Variants in ACYP2 observed in about 807,000 individuals in gnomAD.
The protein encoded by ACYP2 is acylphosphatase-2.
ACYP2 carries 12 observed loss-of-function variants against 11.2 expected under a neutral mutation model. That is an observed-to-expected ratio of 1.08 (90% confidence interval 0.69 to 1.74). ACYP2 has a LOEUF of 1.74. Ranked by LOEUF, ACYP2 falls within the 40% of genes most tolerant of loss-of-function variation. The pLI is 0.00. For missense variants in ACYP2, 134 were observed against 101.9 expected (o/e 1.31, Z -1.35); for synonymous variants, 43 against 32.2 (o/e 1.33, Z -1.13).
chr2:54,216,920 G>T (rs897589266), intron 6 of ACYP2, among the ~76,000 whole-genome samples: 25 of 152,128 alleles, frequency 1.6e-4, no homozygotes, highest in African/African-American at 5.3e-4. Context: ...TGTTTCTATT[G>T]TAAGTGGAAG....
At chr2:54,126,628 A>C (rs1038257924) in intron 4 of ACYP2, among the ~76,000 whole-genome samples, 12 of 151,532 alleles carry the variant, frequency 7.9e-5, no homozygotes, top group Admixed American at 2.6e-4. Context: ...CATAAAACAA[A>C]TTAGAACTCT....
intron 6 of ACYP2, among the ~76,000 whole-genome samples, chr2:54,240,041 G>C (rs370311041): frequency 1.2e-4 from 18 of 152,324 alleles, no homozygotes; most frequent in Middle Eastern, 3.4e-3. Flanking sequence ...CAGGGGATTA[G>C]AGTTAGTCAT....
chr2:54,208,112 C>T (rs1685157983), intron 6 of ACYP2, among the ~76,000 whole-genome samples: 2 of 152,052 alleles, frequency 1.3e-5, no homozygotes, highest in African/African-American at 4.8e-5. Context: ...AAGATCCAGT[C>T]AGAGTCTTCA....
chr2:54,258,432 G>A (rs745635654), intron 6 of ACYP2, among the ~76,000 whole-genome samples: 2 of 152,206 alleles, frequency 1.3e-5, no homozygotes, highest in South Asian at 2.1e-4. Flanking sequence ...GGAGGCCAGC[G>A]TGACTGGAGC....
intron 2 of ACYP2, among the ~76,000 whole-genome samples, chr2:53,977,099 G>A (rs1671531464): frequency 2.0e-5 from 3 of 152,098 alleles, no homozygotes; most frequent in Admixed American, 6.5e-5. Flanking sequence ...CCAGGCTGGT[G>A]TGCAGTGGCA....
chr2:54,220,335 T>C (rs1314571845), intron 6 of ACYP2, among the ~76,000 whole-genome samples: 1 of 152,198 alleles, frequency 6.6e-6, no homozygotes, highest in African/African-American at 2.4e-5. Context: ...CTTGTGTGCT[T>C]TTGACTAAAT....
intron 4 of ACYP2, among the ~76,000 whole-genome samples, chr2:54,096,596 C>G (rs192707399): frequency 6.6e-6 from 1 of 152,136 alleles, no homozygotes; most frequent in Non-Finnish European, 1.5e-5. Context: ...CTCGGGAGGC[C>G]GAGGCTGGCG....
chr2:54,003,789 G>A (rs1302905105), intron 2 of ACYP2, among the ~76,000 whole-genome samples: 2 of 152,156 alleles, frequency 1.3e-5, no homozygotes, highest in Non-Finnish European at 2.9e-5. Context: ...GTAAGAGTAT[G>A]TATAGTTTTA....
At chr2:54,264,304 A>G (rs774016864) in intron 6 of ACYP2, among the ~76,000 whole-genome samples, 1 of 152,194 alleles carries the variant, frequency 6.6e-6, no homozygotes, top group Non-Finnish European at 1.5e-5. Flanking sequence ...AAGCTTCCAC[A>G]GCGTGGAAGG....
At chr2:54,231,673 T>G (rs974322289) in intron 6 of ACYP2, among the ~76,000 whole-genome samples, 2 of 152,154 alleles carry the variant, frequency 1.3e-5, no homozygotes, top group African/African-American at 2.4e-5. Flanking sequence ...CAAATATAGG[T>G]TTTCAACAAA....
intron 3 of ACYP2, among the ~76,000 whole-genome samples, chr2:54,056,253 A>AC (rs1471770076): frequency 6.6e-6 from 1 of 152,186 alleles, no homozygotes; most frequent in East Asian, 1.9e-4. Flanking sequence ...TATCTACTGA[A>AC]CTGATAGGCA....
chr2:54,162,595 G>T (rs1382881684), intron 6 of ACYP2, among the ~76,000 whole-genome samples: 2 of 151,958 alleles, frequency 1.3e-5, no homozygotes, highest in African/African-American at 2.4e-5. Flanking sequence ...CTGGGGATGG[G>T]GCCCAACAAT....
At chr2:54,165,445 G>GGTCT (rs549674366) in intron 6 of ACYP2, among the ~76,000 whole-genome samples, 92 of 151,252 alleles carry the variant, frequency 6.1e-4, no homozygotes, top group African/African-American at 2.1e-3. Flanking sequence ...GAGGTCATCT[G>GGTCT]GTCTGTCTGT....
chr2:54,155,262 TTTC>T (rs1682376701), intron 6 of ACYP2, among the ~76,000 whole-genome samples: 1 of 152,202 alleles, frequency 6.6e-6, no homozygotes, highest in Admixed American at 6.5e-5. Context: ...TTCATTGATT[TTTC>T]TTCTATTGTT....
chr2:53,972,400 A>T (rs1257754664), intron 1 of ACYP2, among the ~76,000 whole-genome samples: 29 of 146,788 alleles, frequency 2.0e-4, no homozygotes, highest in African/African-American at 6.8e-4. Flanking sequence ...GGGTCAGGAG[A>T]TGGAGACCAT....
intron 4 of ACYP2, among the ~76,000 whole-genome samples, chr2:54,130,106 A>G (rs1453310748): frequency 3.3e-5 from 5 of 152,174 alleles, no homozygotes; most frequent in Non-Finnish European, 7.3e-5. Flanking sequence ...GGAACTGACA[A>G]TCTACTATAA....
At chr2:54,225,677 T>A (rs999639200) in intron 6 of ACYP2, among the ~76,000 whole-genome samples, 1 of 152,208 alleles carries the variant, frequency 6.6e-6, no homozygotes, top group Non-Finnish European at 1.5e-5. Flanking sequence ...TTTTGGTAGT[T>A]TTTAAAGGAA....
intron 6 of ACYP2, among the ~76,000 whole-genome samples, chr2:54,268,639 C>CAAA (rs34122735): frequency 2.5e-5 from 2 of 81,280 alleles, no homozygotes; most frequent in South Asian, 4.0e-4. Flanking sequence ...CAGTCTCTAC[C>CAAA]AAAAAAAAAA....
Position 54,236,090 on chromosome 2 carries a change from G to C in ACYP2, c.405-68598G>C, listed in dbSNP as rs548474245. On this transcript the variant is annotated intron_variant, in intron 6 of 6. Transcript: ENST00000607452. ...TTCCTTATATTTTCTTTAGATTTCT[G>C]GAATTTTTTTTGTTTGTTTTTTGTT... 1.9e-4 allele frequency among the ~76,000 whole-genome samples: 29 copies of C among 151,764 alleles called. No homozygotes were observed. The East Asian group carries it at 5.6e-3, about 29-fold the overall frequency.
Sources: allele counts gnomAD v4.1 joint callset (sites outside exome capture counted in the v4.1 genomes callset), GRCh38; gene constraint gnomAD v4.1.1; transcripts MANE v1.5; gene names NCBI Gene and HGNC (gene_info 2026-07-23, HGNC 2026-07-21).